The following RAB28 variants were observed in gnomAD, a reference collection of about 807,000 sequenced individuals.
RAB28 encodes the protein RAB28, member RAS oncogene family.
RAB28 carries 24 observed loss-of-function variants against 31.7 expected under a neutral mutation model. The ratio of observed to expected loss-of-function variants is 0.76; its 90% confidence interval spans 0.55 to 1.06. The LOEUF (loss-of-function observed/expected upper bound fraction) is 1.06. Ranked by LOEUF, RAB28 falls within the 50% of genes least tolerant of loss-of-function variation. The pLI is 0.00. For synonymous variants in RAB28, 100 were observed against 90.4 expected (o/e 1.11, Z -0.60); for missense variants, 254 against 258.5 (o/e 0.98, Z 0.12).
At chr4:13,416,226 GC>G (rs574829840) in intron 4 of RAB28, among the ~76,000 whole-genome samples, 90 of 152,106 alleles carry the variant, frequency 5.9e-4, no homozygotes, top group Non-Finnish European at 9.9e-4. Flanking sequence ...TTCACTCTTT[GC>G]AATAAATCTT....
At chr4:13,384,188 C>A (rs1421538568) in intron 4 of RAB28, among the ~76,000 whole-genome samples, 1 of 152,174 alleles carries the variant, frequency 6.6e-6, no homozygotes, top group Admixed American at 6.5e-5. Context: ...CCTGAGTGAT[C>A]ATGCACAGAG....
chr4:13,464,116 G>T (rs1301988895), intron 3 of RAB28, among the ~76,000 whole-genome samples: 1 of 152,058 alleles, frequency 6.6e-6, no homozygotes, highest in Non-Finnish European at 1.5e-5. Context: ...ACGAACTGCT[G>T]GAGGCTGACT....
intron 4 of RAB28, among the ~76,000 whole-genome samples, chr4:13,383,280 TA>T (rs1002082606): frequency 2.0e-5 from 3 of 152,146 alleles, no homozygotes; most frequent in Non-Finnish European, 4.4e-5. Flanking sequence ...CACCATCCAT[TA>T]AAAAATAAAT....
chr4:13,468,975 A>G (rs1404643576), intron 3 of RAB28, among the ~76,000 whole-genome samples: 2 of 151,954 alleles, frequency 1.3e-5, no homozygotes, highest in Non-Finnish European at 2.9e-5. Context: ...AAATGGACCA[A>G]ATCTTTAAAA....
chr4:13,393,272 T>A (rs1266997773), intron 4 of RAB28, among the ~76,000 whole-genome samples: 3 of 152,070 alleles, frequency 2.0e-5, no homozygotes, highest in African/African-American at 7.2e-5. Flanking sequence ...AAAAAATCAG[T>A]CAGATAGCCT....
chr4:13,476,579 G>A (rs1283518174), intron 2 of RAB28, among the ~76,000 whole-genome samples: 1 of 151,310 alleles, frequency 6.6e-6, no homozygotes, highest in East Asian at 1.9e-4. Context: ...AAAATAAAAT[G>A]TGGATTCCTT....
At chr4:13,373,204 G>A (rs1354380641) in intron 6 of RAB28, among the ~76,000 whole-genome samples, 2 of 152,084 alleles carry the variant, frequency 1.3e-5, no homozygotes, top group South Asian at 2.1e-4. Flanking sequence ...TTAAAGAGCC[G>A]ATTGCTGGAT....
At chr4:13,420,625 T>C (rs1431472490) in intron 4 of RAB28, among the ~76,000 whole-genome samples, 2 of 152,096 alleles carry the variant, frequency 1.3e-5, no homozygotes, top group Admixed American at 6.6e-5. Flanking sequence ...ATAAATGTAA[T>C]CCATCACATA....
intron 4 of RAB28, among the ~76,000 whole-genome samples, chr4:13,431,055 A>G (rs1195986457): frequency 1.3e-5 from 2 of 152,118 alleles, no homozygotes; most frequent in African/African-American, 4.8e-5. Context: ...TGTGCTTTTC[A>G]TGGTAGCTCC....
intron 4 of RAB28, among the ~76,000 whole-genome samples, chr4:13,400,714 T>G (rs546067009): frequency 6.6e-6 from 1 of 152,292 alleles, no homozygotes; most frequent in East Asian, 1.9e-4. Flanking sequence ...AGATGCCATT[T>G]ATGAAGTTGA....
chr4:13,415,572 G>A (rs988647872), intron 4 of RAB28, among the ~76,000 whole-genome samples: 1 of 152,144 alleles, frequency 6.6e-6, no homozygotes, highest in Non-Finnish European at 1.5e-5. Context: ...GGGTCCCCCA[G>A]CAGTGCCGGC....
At chr4:13,462,862 T>C (rs541254272) in intron 3 of RAB28, among the ~76,000 whole-genome samples, 86 of 152,274 alleles carry the variant, frequency 5.6e-4, no homozygotes, top group African/African-American at 1.9e-3. Flanking sequence ...CCAGAACTGA[T>C]ATCTGAAGAA....
At chr4:13,476,757 T>C (rs915889148) in intron 2 of RAB28, among the ~76,000 whole-genome samples, 1 of 151,502 alleles carries the variant, frequency 6.6e-6, no homozygotes, top group Non-Finnish European at 1.5e-5. Flanking sequence ...CAAGAATATA[T>C]CTAATACAAA....
intron 5 of RAB28, among the ~76,000 whole-genome samples, chr4:13,379,982 C>CA (rs375192535): frequency 9.9e-5 from 15 of 151,574 alleles, no homozygotes; most frequent in African/African-American, 3.6e-4. Context: ...CACTAAGTGG[C>CA]AAAAAAATAC....
intron 4 of RAB28, chr4:13,459,901 T>A (rs1159191418): frequency 8.5e-6 from 11 of 1,289,344 alleles, no homozygotes; most frequent in Non-Finnish European, 1.1e-5. Context: ...TTGCTGTTCT[T>A]CATAATCCAT....
At chr4:13,433,302 G>A (rs78819961) in intron 4 of RAB28, among the ~76,000 whole-genome samples, 1 of 150,620 alleles carries the variant, frequency 6.6e-6, no homozygotes, top group East Asian at 1.9e-4. Flanking sequence ...AACAAAACTG[G>A]ACAAGTGAGA....
intron 5 of RAB28, among the ~76,000 whole-genome samples, chr4:13,379,129 C>G (rs560972282): frequency 6.6e-6 from 1 of 150,812 alleles, no homozygotes; most frequent in African/African-American, 2.4e-5. Flanking sequence ...TTGCTTTAAC[C>G]CAGGAGGCGG....
chr4:13,393,317 G>T (rs1026976011), intron 4 of RAB28, among the ~76,000 whole-genome samples: 2 of 152,136 alleles, frequency 1.3e-5, no homozygotes, highest in African/African-American at 4.8e-5. Context: ...TTCTCAAAAG[G>T]AATATGTACA....
intron 3 of RAB28, among the ~76,000 whole-genome samples, chr4:13,467,451 T>C (rs1022504360): frequency 6.6e-6 from 1 of 151,780 alleles, no homozygotes; most frequent in South Asian, 2.1e-4. Flanking sequence ...CTGTTTAAAG[T>C]AATAATAATG....
Sources: allele counts gnomAD v4.1 joint callset (sites outside exome capture counted in the v4.1 genomes callset), GRCh38; gene constraint gnomAD v4.1.1; transcripts MANE v1.5; gene names NCBI Gene and HGNC (gene_info 2026-07-23, HGNC 2026-07-21).